The following ARHGAP5 variants were observed in gnomAD, a reference collection of about 807,000 sequenced individuals.
ARHGAP5 encodes the protein rho GTPase-activating protein 5.
A neutral mutation model predicts 116.6 loss-of-function variants in ARHGAP5; 23 were observed. That is an observed-to-expected ratio of 0.20 (90% CI 0.14 to 0.28). The LOEUF is 0.28. Among genes scored for constraint, ARHGAP5 ranks in the 10% least tolerant of loss-of-function variants. The pLI is 1.00. For missense variants in ARHGAP5, 1,405 were observed against 1,774.8 expected, an observed-to-expected ratio of 0.79 and a Z score of 3.74; for synonymous variants, 574 against 602.0, an observed-to-expected ratio of 0.95 and a Z score of 0.68.
At chr14:32,143,110 A>T (rs1014198521) in intron 3 of ARHGAP5, among the ~76,000 whole-genome samples, 3 of 152,174 alleles carry the variant, frequency 2.0e-5, no homozygotes, top group African/African-American at 7.2e-5. Context: ...CTAAAACTTC[A>T]GATATCAGTA....
At chr14:32,137,913 A>C (rs374983136) in intron 3 of ARHGAP5, among the ~76,000 whole-genome samples, 9 of 151,022 alleles carry the variant, frequency 6.0e-5, no homozygotes, top group African/African-American at 2.2e-4. Flanking sequence ...GGGAGGTTGC[A>C]GTGAGCCAAG....
chr14:32,104,926 G>C (rs1878941394), intron 2 of ARHGAP5, among the ~76,000 whole-genome samples: 1 of 152,178 alleles, frequency 6.6e-6, no homozygotes, highest in African/African-American at 2.4e-5. Flanking sequence ...AATGTCTAGA[G>C]ACATTTTTGG....
intron 3 of ARHGAP5, among the ~76,000 whole-genome samples, chr14:32,129,199 T>C (rs534836042): frequency 2.0e-5 from 3 of 152,348 alleles, no homozygotes; most frequent in African/African-American, 7.2e-5. Context: ...GTTTCTCTTA[T>C]AAGTAAATAA....
At chr14:32,079,154 C>T (rs1164218812) in intron 1 of ARHGAP5, among the ~76,000 whole-genome samples, 1 of 152,190 alleles carries the variant, frequency 6.6e-6, no homozygotes, top group Non-Finnish European at 1.5e-5. Flanking sequence ...CAAGAAATAG[C>T]ACTATTGATC....
chr14:32,126,703 T>G (rs572128744), intron 3 of ARHGAP5, among the ~76,000 whole-genome samples: 39 of 152,362 alleles, frequency 2.6e-4, no homozygotes, highest in African/African-American at 8.9e-4. Flanking sequence ...TGGATTTTAT[T>G]GGATTATTTT....
intron 2 of ARHGAP5, among the ~76,000 whole-genome samples, chr14:32,109,257 T>C (rs780136466): frequency 1.3e-5 from 2 of 152,054 alleles, no homozygotes; most frequent in African/African-American, 2.4e-5. Context: ...TTTGGCTTCC[T>C]TTTTTCTTGT....
chr14:32,083,446 T>C (rs891798421), intron 1 of ARHGAP5, among the ~76,000 whole-genome samples: 10 of 152,258 alleles, frequency 6.6e-5, no homozygotes. Flanking sequence ...CTAAAATATT[T>C]ACTGCCTGGC....
chr14:32,093,901 C>T lies in ARHGAP5; in HGVS notation c.3232C>T (p.Pro1078Ser). 1 of 1,614,082 alleles carries T rather than the reference C, an allele frequency of 6.2e-7. No individual in the cohort carries two copies. The highest frequency in any genetic ancestry group is 8.5e-7 in the Non-Finnish European group (1 of 1,179,996). Residue 1078 changes from proline to serine, a missense_variant, in exon 2 of 7, where the codon CCT becomes TCT. Physicochemically the swap from Pro to Ser is moderately conservative, Grantham distance 74. Coordinates refer to ENST00000345122, the MANE Select transcript of ARHGAP5 (RefSeq NM_001030055.2). ...TCCAAGAAAGCAGACTTCCCGGGTG[C>T]CTTTGGCACATCCTGAAGATATGGA... ...KNPRKQTSRVPLAHPEDMDPS... is the reference protein window; with the variant it reads ...KNPRKQTSRVSLAHPEDMDPS...
At chr14:32,140,439 T>G (rs947779897) in intron 3 of ARHGAP5, among the ~76,000 whole-genome samples, 51 of 150,710 alleles carry the variant, frequency 3.4e-4, no homozygotes, top group Non-Finnish European at 3.2e-4. Context: ...AAAAAAAAAT[T>G]AGCCAGGTGT....
intron 3 of ARHGAP5, among the ~76,000 whole-genome samples, chr14:32,140,685 A>T (rs550823082): frequency 6.6e-6 from 1 of 152,364 alleles, no homozygotes; most frequent in East Asian, 1.9e-4. Flanking sequence ...ATCAGAGAAC[A>T]TACTCTCTAT....
Position 32,094,069 on chromosome 14 carries a change from G to A in ARHGAP5, c.3400G>A (p.Glu1134Lys), listed in dbSNP as rs1312816150. ...TGTAAATAACACCCAAGGAGATGAA[G>A]AAAATGGGTTTTCTGATAGAACCTC... is the stretch of plus-strand genomic sequence containing the variant. ...SFVNNTQGDE[E>K]NGFSDRTSKS... is the part of the protein sequence containing the mutation. Residue 1134 changes from glutamate to lysine, a missense_variant, in exon 2 of 7, where the codon GAA becomes AAA. Glu to Lys is a moderately conservative substitution (Grantham distance 56). Coordinates refer to ENST00000345122, the MANE Select transcript of ARHGAP5 (RefSeq NM_001030055.2). The A allele has an allele frequency of 6.2e-7, 1 of 1,613,882 alleles. No homozygotes were observed. The highest frequency in any genetic ancestry group is 2.2e-5 in the East Asian group (1 of 44,890).
chr14:32,104,514 C>CT (rs1878923507), intron 2 of ARHGAP5, among the ~76,000 whole-genome samples: 1 of 152,132 alleles, frequency 6.6e-6, no homozygotes, highest in East Asian at 1.9e-4. Flanking sequence ...TGTGTTTGGA[C>CT]TTTCAGCCAG....
At chr14:32,100,170 GA>G (rs1878725712) in intron 2 of ARHGAP5, among the ~76,000 whole-genome samples, 1 of 152,174 alleles carries the variant, frequency 6.6e-6, no homozygotes. Flanking sequence ...ACTCAGGAAA[GA>G]AACTACCAAA....
At chr14:32,099,554 G>A (rs1370029561) in intron 2 of ARHGAP5, among the ~76,000 whole-genome samples, 1 of 152,144 alleles carries the variant, frequency 6.6e-6, no homozygotes, top group Non-Finnish European at 1.5e-5. Flanking sequence ...TTCCCTTGGA[G>A]TTGTGGTAGA....
At chr14:32,141,460 C>T (rs1224604292) in intron 3 of ARHGAP5, among the ~76,000 whole-genome samples, 1 of 152,146 alleles carries the variant, frequency 6.6e-6, no homozygotes, top group Non-Finnish European at 1.5e-5. Context: ...ACATTTTATG[C>T]CCATTAACAT....
intron 1 of ARHGAP5, among the ~76,000 whole-genome samples, chr14:32,089,816 T>C (rs969916865): frequency 5.3e-5 from 8 of 151,952 alleles, no homozygotes; most frequent in African/African-American, 1.2e-4. Context: ...GTTGGTCTTA[T>C]AGGTTTGAAA....
rs1192003050 is a variant in ARHGAP5, at chr14:32,092,481, T to G, written c.1812T>G (p.Asp604Glu). ...DKVNLFILGK[D>E]GLAQELANEI... is the part of the protein sequence containing the mutation. ...TTAACCTTTTTATTTTAGGGAAGGA[T>G]GGCCTTGCCCAAGAACTAGCAAATG... The change falls in exon 2 of 7, where the codon GAT becomes GAG. Residue 604 changes from aspartate (D) to glutamate (E), a missense_variant. Transcript: ENST00000345122. This position sits in a 1 kb window ranked among gnomAD's most constrained non-coding sequence, Gnocchi z 4.1. 6 of 1,613,912 alleles carry G rather than the reference T, an allele frequency of 3.7e-6. No homozygotes were observed. Among genetic ancestry groups the G allele is most frequent in the Non-Finnish European group, 5.1e-6 (6 of 1,179,880 alleles).
Position 32,159,075 on chromosome 14 carries a change from T to G in ARHGAP5, c.*4127T>G, listed in dbSNP as rs1020042732. On this transcript the variant is annotated 3_prime_UTR_variant, in exon 7 of 7. Transcript: ENST00000345122. ...ATTAAATTGTGTGAAATTAGTCTTTTGTGGAAATTCTGTAGGCAGTATGAT... is the reference window on the plus strand; with the variant it reads ...ATTAAATTGTGTGAAATTAGTCTTTGGTGGAAATTCTGTAGGCAGTATGAT... 2 of 152,190 alleles carry G rather than the reference T, an allele frequency of 1.3e-5. No individual in the cohort carries two copies. Among genetic ancestry groups the G allele is most frequent in the African/African-American group, 4.8e-5 (2 of 41,534 alleles). The allele number at this position is 152,190 out of a possible 1,614,324, so 9.4% of individuals were successfully genotyped here.
rs1356318832 is a variant in ARHGAP5 at position 32,156,628 on chromosome 14, T to C, written c.*1680T>C. On this transcript the variant is annotated 3_prime_UTR_variant, in exon 7 of 7. Transcript: ENST00000345122. ...CACAGGAATTAAGAAAGTACAGTAA[T>C]TTTTAAAAAAAAATCCGGTAAATGT... The C allele has an allele frequency of 6.6e-6, 1 of 152,342 alleles. No homozygotes were observed. Among genetic ancestry groups the C allele is most frequent in the Non-Finnish European group, 1.5e-5 (1 of 67,802 alleles). 9.4% of individuals were successfully genotyped at this position (152,342 alleles called of 1,614,324 possible). A position where few individuals can be genotyped will look rare whatever the true frequency, so the allele number is the denominator to read the frequency against.
Sources: gnomAD v4.1 joint callset for allele counts (sites outside exome capture counted in the v4.1 genomes callset) on GRCh38, gnomAD v4.1.1 for gene constraint, Gnocchi (gnomAD v3.1) non-coding constraint, MANE v1.5 for transcripts, NCBI Gene and HGNC (gene_info 2026-07-23, HGNC 2026-07-21) for gene names.